The following CDH4 variants were observed in gnomAD, a reference collection of about 807,000 sequenced individuals.
CDH4 encodes cadherin-4.
A neutral mutation model predicts 86.0 loss-of-function variants in CDH4; 33 were observed. That is an observed-to-expected ratio of 0.38 (90% CI 0.29 to 0.51). The LOEUF is 0.51. Among genes scored for constraint, CDH4 ranks in the 20% least tolerant of loss-of-function variants. The pLI is 0.86. For missense variants in CDH4, 1,114 were observed against 1,307.4 expected, an observed-to-expected ratio of 0.85 and a Z score of 2.28; for synonymous variants, 555 against 549.4, an observed-to-expected ratio of 1.01 and a Z score of -0.14.
At chr20:61,331,642 C>CCTCCTGCCCCCGCCAA (rs2084577895) in intron 2 of CDH4, among the ~76,000 whole-genome samples, 1 of 2,064 alleles carries the variant, frequency 4.8e-4, no homozygotes, top group Non-Finnish European at 9.7e-4. Flanking sequence ...CCCAGACCCA[C>CCTCCTGCCCCCGCCAA]CTCCCGCCCC....
rs116908148 is a variant in CDH4 at position 61,532,749 on chromosome 20, A to G, written c.170-210814A>G. On this transcript the variant is annotated intron_variant, in intron 2 of 15. Coordinates refer to ENST00000614565, the MANE Select transcript of CDH4 (RefSeq NM_001794.5). ...GTTCTCTGGCCGGGTTCTAGGGGAG[A>G]TTGGGGAAGGTGTTTTGGCGGGATC... 1.9e-3 allele frequency among the ~76,000 whole-genome samples: 290 copies of G among 152,142 alleles called. 1 individual carries two copies. The highest frequency in any genetic ancestry group is 3.4e-3 in the Middle Eastern group (1 of 294).
intron 5 of CDH4, among the ~76,000 whole-genome samples, chr20:61,847,817 C>G (rs1982527543): frequency 6.6e-6 from 1 of 152,036 alleles, no homozygotes; most frequent in Non-Finnish European, 1.5e-5. Context: ...AGGTGCCAAG[C>G]TCTTTAAACA....
chr20:61,513,089 G>C (rs2085792094), intron 2 of CDH4, among the ~76,000 whole-genome samples: 1 of 152,192 alleles, frequency 6.6e-6, no homozygotes, highest in Non-Finnish European at 1.5e-5. Context: ...AACCTTGTGG[G>C]ATTTTGTCCT....
intron 2 of CDH4, among the ~76,000 whole-genome samples, chr20:61,723,870 A>G (rs1177180685): frequency 1.3e-5 from 2 of 152,202 alleles, no homozygotes; most frequent in Non-Finnish European, 2.9e-5. Flanking sequence ...TGGCGGCTCC[A>G]TGCGGCAGGT....
chr20:61,867,919 C>T (rs1004488291), intron 6 of CDH4, among the ~76,000 whole-genome samples: 1 of 152,206 alleles, frequency 6.6e-6, no homozygotes, highest in South Asian at 2.1e-4. Context: ...CATCTCAGAA[C>T]GTCCAGGCTC....
chr20:61,658,678 C>T (rs1038410187), intron 2 of CDH4, among the ~76,000 whole-genome samples: 25 of 152,174 alleles, frequency 1.6e-4, no homozygotes, highest in African/African-American at 5.3e-4. Context: ...AGCTGGGGCC[C>T]GGGCTTGGGG....
At chr20:61,447,094 A>G (rs2085354853) in intron 2 of CDH4, among the ~76,000 whole-genome samples, 1 of 152,052 alleles carries the variant, frequency 6.6e-6, no homozygotes, top group South Asian at 2.1e-4. Context: ...TTTGCCTACC[A>G]TACTCATTAT....
chr20:61,318,239 G>A (rs1003464686), intron 2 of CDH4, among the ~76,000 whole-genome samples: 9 of 152,294 alleles, frequency 5.9e-5, no homozygotes, highest in South Asian at 2.1e-4. Flanking sequence ...CGACTCTCCC[G>A]TATGTTCCTC....
intron 2 of CDH4, among the ~76,000 whole-genome samples, chr20:61,259,290 C>T (rs1331187885): frequency 6.6e-6 from 1 of 152,230 alleles, no homozygotes; most frequent in Non-Finnish European, 1.5e-5. Context: ...GCCAGAAGTA[C>T]TATTATCTTG....
intron 2 of CDH4, among the ~76,000 whole-genome samples, chr20:61,357,291 C>G (rs1309150212): frequency 1.3e-5 from 2 of 152,242 alleles, no homozygotes; most frequent in African/African-American, 4.8e-5. Context: ...CCCCTCCCAG[C>G]ATTGTCTGAG....
intron 2 of CDH4, among the ~76,000 whole-genome samples, chr20:61,376,059 G>GGTTGTC (rs1568819407): frequency 6.6e-6 from 1 of 151,366 alleles, no homozygotes; most frequent in African/African-American, 2.4e-5. Flanking sequence ...TGGTGGTGAT[G>GGTTGTC]GTGTGGTTTG....
intron 2 of CDH4, among the ~76,000 whole-genome samples, chr20:61,583,336 GAGGTGGCC>G (rs372793529): frequency 2.1e-4 from 32 of 152,140 alleles, no homozygotes; most frequent in African/African-American, 7.2e-4. Context: ...CTGGACGCAA[GAGGTGGCC>G]AGGTGGCCAG....
chr20:61,922,735 G>C (rs890805356), intron 9 of CDH4, among the ~76,000 whole-genome samples: 1 of 152,288 alleles, frequency 6.6e-6, no homozygotes. Flanking sequence ...GCACCTGTGT[G>C]TCTCAAATAT....
rs140826515 is a variant in CDH4 at position 61,607,083 on chromosome 20, A to T, written c.170-136480A>T. The stretch of plus-strand genomic sequence containing the variant: ...TTGACCTTTACAACCTTGTGGTAAC[A>T]CCATCACCGTTCTAACCTGCCTTTG... On this transcript the variant is annotated intron_variant, in intron 2 of 15. Transcript: ENST00000614565. Among the ~76,000 whole-genome samples, 400 of 152,336 alleles carry T rather than the reference A, an allele frequency of 2.6e-3. 1 individual carries two copies. Among genetic ancestry groups the T allele is most frequent in the African/African-American group, 8.5e-3 (354 of 41,568 alleles).
chr20:61,718,860 T>G (rs1466603965), intron 2 of CDH4: 1 of 471,022 alleles, frequency 2.1e-6, no homozygotes, highest in Non-Finnish European at 4.4e-6. Flanking sequence ...GACTTCACTG[T>G]TCCTGCTGTC....
chr20:61,924,527 G>A (rs774166790), intron 11 of CDH4, 51 bp downstream of exon 11: 6 of 1,578,760 alleles, frequency 3.8e-6, no homozygotes, highest in Non-Finnish European at 5.2e-6. Context: ...CCCGTGTCCT[G>A]GGTTCTGTGG....
At chr20:61,889,346 G>T (rs1984686786) in intron 7 of CDH4, among the ~76,000 whole-genome samples, 1 of 144,326 alleles carries the variant, frequency 6.9e-6, no homozygotes, top group South Asian at 2.2e-4. Flanking sequence ...GGATGGGTGA[G>T]TGGATGGTGG....
Position 61,510,133 on chromosome 20 carries a change from A to C in CDH4, c.170-233430A>C, listed in dbSNP as rs1390000294. 6.6e-6 allele frequency among the ~76,000 whole-genome samples: 1 copy of C among 152,192 alleles called. No homozygotes were observed. The highest frequency in any genetic ancestry group is 1.5e-5 in the Non-Finnish European group (1 of 68,036). On this transcript the variant is annotated intron_variant, in intron 2 of 15. Transcript: ENST00000614565. This position sits in a 1 kb window ranked among gnomAD's most constrained non-coding sequence, Gnocchi z 4.2. ...TTCCAGTGGAGTGTTATTCATTTAA[A>C]GTTGTTTGAAAATCTGATCAGAAAG...
chr20:61,766,174 ACCCT>A (rs371600257), intron 3 of CDH4, among the ~76,000 whole-genome samples: 98 of 150,270 alleles, frequency 6.5e-4, no homozygotes, highest in African/African-American at 2.3e-3. Context: ...GCAGTCCCTG[ACCCT>A]CCCCTCCCTA....
Sources: allele counts gnomAD v4.1 joint callset (sites outside exome capture counted in the v4.1 genomes callset), GRCh38; gene constraint gnomAD v4.1.1; non-coding constraint Gnocchi (gnomAD v3.1); transcripts MANE v1.5; gene names NCBI Gene and HGNC (gene_info 2026-07-23, HGNC 2026-07-21).